The following CTNNA2 variants were observed in gnomAD, a reference collection of about 807,000 sequenced individuals.
CTNNA2 encodes catenin alpha 2.
Under a neutral mutation model 101.0 loss-of-function variants are expected in CTNNA2, and 42 were observed. The ratio of observed to expected loss-of-function variants is 0.42; its 90% confidence interval spans 0.32 to 0.54. CTNNA2 has a LOEUF of 0.54. CTNNA2 is among the 20% of genes least tolerant of loss of function. The probability of loss-of-function intolerance (pLI) is 0.14; values close to 1 mark genes in which losing one functional copy is unlikely to be tolerated. For missense variants in CTNNA2, 871 were observed against 1,223.1 expected (o/e 0.71, Z 4.29); for synonymous variants, 450 against 456.4 (o/e 0.99, Z 0.18).
intron 7 of CTNNA2, among the ~76,000 whole-genome samples, chr2:80,021,558 T>A (rs1694564977): frequency 6.6e-6 from 1 of 152,156 alleles, no homozygotes; most frequent in Admixed American, 6.5e-5. Flanking sequence ...CAAATGGAAA[T>A]GACAGTTTAT....
intron 7 of CTNNA2, among the ~76,000 whole-genome samples, chr2:80,066,600 G>C (rs1168652841): frequency 1.3e-5 from 2 of 152,094 alleles, no homozygotes; most frequent in Non-Finnish European, 2.9e-5. Context: ...GTGTTGATGA[G>C]GATTTGGAGA....
chr2:80,354,520 G>T (rs940065655), intron 7 of CTNNA2, among the ~76,000 whole-genome samples: 1 of 152,090 alleles, frequency 6.6e-6, no homozygotes, highest in East Asian at 1.9e-4. Flanking sequence ...AGGGGACAAA[G>T]GTACAAGTAA....
intron 7 of CTNNA2, among the ~76,000 whole-genome samples, chr2:79,982,444 CAG>C (rs1691442243): frequency 6.9e-6 from 1 of 144,872 alleles, no homozygotes; most frequent in Non-Finnish European, 1.5e-5. Context: ...ATATATATAA[CAG>C]AATCTGCTTA....
chr2:80,646,589 A>T (rs1674116832), intron 18 of CTNNA2, among the ~76,000 whole-genome samples: 1 of 151,760 alleles, frequency 6.6e-6, no homozygotes, highest in Non-Finnish European at 1.5e-5. Flanking sequence ...TTGAGACATA[A>T]CCCCAGCATC....
chr2:80,343,540 GT>G (rs1309650908), intron 7 of CTNNA2, among the ~76,000 whole-genome samples: 1 of 151,994 alleles, frequency 6.6e-6, no homozygotes, highest in African/African-American at 2.4e-5. Context: ...CTGTAACACT[GT>G]TTTTATCGAC....
At chr2:79,201,179 G>C (rs1046033415) in intron 2 of CTNNA2, among the ~76,000 whole-genome samples, 2 of 151,848 alleles carry the variant, frequency 1.3e-5, no homozygotes, top group African/African-American at 4.8e-5. Context: ...AAGTCAGATA[G>C]AGCTGGTCAA....
At chr2:79,631,236 T>C (rs541223595) in intron 1 of CTNNA2, among the ~76,000 whole-genome samples, 1 of 152,330 alleles carries the variant, frequency 6.6e-6, no homozygotes, top group African/African-American at 2.4e-5. Flanking sequence ...TATCTGTCTG[T>C]TGAATCAAAT....
chr2:80,537,389 G>T (rs559463883), intron 9 of CTNNA2, among the ~76,000 whole-genome samples: 1 of 152,224 alleles, frequency 6.6e-6, no homozygotes, highest in East Asian at 1.9e-4. Context: ...AAACATATGT[G>T]TGCATGTGTC....
chr2:80,190,252 G>C (rs1391025262), intron 7 of CTNNA2, among the ~76,000 whole-genome samples: 1 of 152,218 alleles, frequency 6.6e-6, no homozygotes, highest in South Asian at 2.1e-4. Flanking sequence ...ACAGGGGAGA[G>C]AGTCCAGTGG....
At chr2:80,007,867 G>C (rs1693486180) in intron 7 of CTNNA2, among the ~76,000 whole-genome samples, 1 of 152,118 alleles carries the variant, frequency 6.6e-6, no homozygotes, top group African/African-American at 2.4e-5. Flanking sequence ...TGCAGGTCAG[G>C]CCATGGGTTC....
chr2:79,528,928 C>T (rs550447628), intron 1 of CTNNA2, among the ~76,000 whole-genome samples: 9 of 152,026 alleles, frequency 5.9e-5, no homozygotes, highest in East Asian at 1.9e-4. Flanking sequence ...AAGTGCGGCC[C>T]GTAAACAAAC....
At chr2:79,306,489 AT>A in intron 2 of CTNNA2, among the ~76,000 whole-genome samples, 1 of 151,528 alleles carries the variant, frequency 6.6e-6, no homozygotes, top group Non-Finnish European at 1.5e-5. Flanking sequence ...AAAAAATAAA[AT>A]TAAAAAAGGC....
chr2:79,249,118 G>T (rs1392129122), intron 2 of CTNNA2, among the ~76,000 whole-genome samples: 1 of 152,146 alleles, frequency 6.6e-6, no homozygotes, highest in Admixed American at 6.5e-5. Context: ...CCAGGATTCA[G>T]CTTCTATATC....
Position 80,123,844 on chromosome 2 carries a change from A to G in CTNNA2, c.1056+214047A>G, listed in dbSNP as rs571067554. On this transcript the variant is annotated intron_variant, in intron 7 of 18. Transcript: ENST00000402739. ...GTCCTATGGCAATATGGGGCTTGTG[A>G]TGGTGGCTACCTTATCCGTCTCTCT... is the stretch of plus-strand genomic sequence containing the variant. Among the ~76,000 whole-genome samples, 10 of 152,222 alleles carry G rather than the reference A, an allele frequency of 6.6e-5. No individual in the cohort carries two copies. The South Asian group carries it at 2.1e-3, about 32-fold the overall frequency.
intron 12 of CTNNA2, among the ~76,000 whole-genome samples, chr2:80,572,182 A>G (rs1558601287): frequency 6.6e-6 from 1 of 152,110 alleles, no homozygotes; most frequent in Non-Finnish European, 1.5e-5. Context: ...ATTATGCTTT[A>G]ATTTGTTTAC....
At chr2:80,385,941 A>T (rs1676954860) in intron 7 of CTNNA2, among the ~76,000 whole-genome samples, 1 of 152,142 alleles carries the variant, frequency 6.6e-6, no homozygotes, top group Non-Finnish European at 1.5e-5. Flanking sequence ...CCCTGCCCAC[A>T]GAGTCTTGGT....
In CTNNA2 at chr2:79,929,674, G is replaced by A. The variant is rs540912535; in HGVS notation, c.1056+19877G>A. The stretch of plus-strand genomic sequence containing the variant: ...TTGGTTGTAGGATGGCCCCATCATC[G>A]AGGAAATTCTTCATTCCTTGTATTC... On this transcript the variant is annotated intron_variant, in intron 7 of 18. Transcript: ENST00000402739. Among the ~76,000 whole-genome samples the A allele has an allele frequency of 8.5e-5, 13 of 152,236 alleles. No homozygotes were observed. In the South Asian group the frequency reaches 1.5e-3, roughly 17 times the overall value.
chr2:79,820,309 T>C (rs1005509232), intron 3 of CTNNA2, among the ~76,000 whole-genome samples: 1 of 152,220 alleles, frequency 6.6e-6, no homozygotes, highest in Non-Finnish European at 1.5e-5. Flanking sequence ...GCATACGTTT[T>C]TGTTTTTCTT....
At chr2:79,508,126 G>T (rs781318821), upstream of CTNNA2, among the ~76,000 whole-genome samples, 4 of 152,102 alleles carry the variant, frequency 2.6e-5, no homozygotes, top group Non-Finnish European at 5.9e-5. Flanking sequence ...AGTCATCTGT[G>T]ACACAAATAT....
Sources: allele counts gnomAD v4.1 joint callset (sites outside exome capture counted in the v4.1 genomes callset), GRCh38; gene constraint gnomAD v4.1.1; transcripts MANE v1.5; gene names NCBI Gene and HGNC (gene_info 2026-07-23, HGNC 2026-07-21).